Variants in MIR2052HG observed in about 807,000 individuals in gnomAD.
MIR2052HG encodes the protein MIR2052 host gene.
At chr8:74,662,337 C>T (rs1490181833) in intron 2 of MIR2052HG, among the ~76,000 whole-genome samples, 1 of 151,358 alleles carries the variant, frequency 6.6e-6, no homozygotes, top group African/African-American at 2.4e-5. Flanking sequence ...ATTTCAGCCT[C>T]TAGAAGAAGA....
chr8:74,749,421 T>C (rs561815225), intron 4 of MIR2052HG, among the ~76,000 whole-genome samples: 2 of 152,192 alleles, frequency 1.3e-5, no homozygotes, highest in East Asian at 1.9e-4. Context: ...ACAAAACTTG[T>C]AGTGCCTTTT....
Position 74,635,412 on chromosome 8 carries a change from G to C in MIR2052HG, n.216+22472G>C, listed in dbSNP as rs115410038. On this transcript the variant is annotated intron_variant and non_coding_transcript_variant, in intron 2 of 6. Transcript: ENST00000523442. ...CCCAATGGAGATGTCATTTGCACTG[G>C]TCCTTAATTACTGGATAAGTTTGGG... is the stretch of plus-strand genomic sequence containing the variant. Among the ~76,000 whole-genome samples the C allele has an allele frequency of 3.0e-3, 453 of 152,180 alleles. 2 individuals carry two copies. Among genetic ancestry groups the C allele is most frequent in the African/African-American group, 0.011 (440 of 41,534 alleles).
At chr8:74,741,174 G>T (rs1023150095) in intron 4 of MIR2052HG, among the ~76,000 whole-genome samples, 1 of 152,164 alleles carries the variant, frequency 6.6e-6, no homozygotes, top group African/African-American at 2.4e-5. Flanking sequence ...AAAGCCAAGA[G>T]CTTTGGAGGC....
chr8:74,747,211 G>A (rs146705402), intron 4 of MIR2052HG, among the ~76,000 whole-genome samples: 279 of 152,270 alleles, frequency 1.8e-3, no homozygotes, highest in East Asian at 7.5e-3. Flanking sequence ...CATTTGGGAA[G>A]TTACTTGAAC....
intron 2 of MIR2052HG, among the ~76,000 whole-genome samples, chr8:74,640,568 C>T (rs116937929): frequency 2.0e-5 from 3 of 151,882 alleles, no homozygotes; most frequent in Non-Finnish European, 4.4e-5. Context: ...GGTAGGTCAT[C>T]AGCTTTCTGG....
chr8:74,692,981 A>G (rs1397802229), intron 2 of MIR2052HG, among the ~76,000 whole-genome samples: 2 of 152,338 alleles, frequency 1.3e-5, no homozygotes, highest in Non-Finnish European at 1.5e-5. Flanking sequence ...GAAGCATGAA[A>G]ATGGCTTTGA....
At chr8:74,685,178 A>G (rs1809167005) in intron 2 of MIR2052HG, among the ~76,000 whole-genome samples, 2 of 152,130 alleles carry the variant, frequency 1.3e-5, no homozygotes, top group South Asian at 4.1e-4. Flanking sequence ...TATAAGATAC[A>G]CTAAAGAGCA....
chr8:74,664,480 C>A (rs1243028313), intron 2 of MIR2052HG, among the ~76,000 whole-genome samples: 1 of 151,914 alleles, frequency 6.6e-6, no homozygotes, highest in Non-Finnish European at 1.5e-5. Context: ...TTGTCTTTTC[C>A]ATCCTACACC....
At chr8:74,620,883 C>T (rs1021052708) in intron 2 of MIR2052HG, among the ~76,000 whole-genome samples, 2 of 152,226 alleles carry the variant, frequency 1.3e-5, no homozygotes, top group Admixed American at 1.3e-4. Flanking sequence ...TTTTTATTTT[C>T]TATTGCATGG....
Position 74,688,040 on chromosome 8 carries a change from C to T in MIR2052HG, n.217-14339C>T, listed in dbSNP as rs535721630. 1.3e-4 allele frequency among the ~76,000 whole-genome samples: 20 copies of T among 152,212 alleles called. 1 individual carries two copies. The South Asian group carries it at 4.2e-3, about 32-fold the overall frequency. ...GCTTCATTTGATAATGAGGGCTCTT[C>T]AAAAAGGCTGATCACTGCTTACAAG... On this transcript the variant is annotated intron_variant and non_coding_transcript_variant, in intron 2 of 6. Transcript: ENST00000523442.
At chr8:74,680,694 C>T (rs184189876) in intron 2 of MIR2052HG, among the ~76,000 whole-genome samples, 2,827 of 152,238 alleles carry the variant, frequency 0.019, 40 homozygotes, top group Non-Finnish European at 0.025. Flanking sequence ...ACCATTTGAT[C>T]CAGCCATCCC....
intron 2 of MIR2052HG, among the ~76,000 whole-genome samples, chr8:74,698,238 A>G (rs1586916884): frequency 6.6e-6 from 1 of 151,846 alleles, no homozygotes; most frequent in South Asian, 2.1e-4. Context: ...AACAATACAA[A>G]CAAAAACAAA....
At chr8:74,644,753 TG>T (rs1808674419) in intron 2 of MIR2052HG, among the ~76,000 whole-genome samples, 1 of 151,896 alleles carries the variant, frequency 6.6e-6, no homozygotes, top group South Asian at 2.1e-4. Flanking sequence ...TAGCCGGGCA[TG>T]GTGGTGCATG....
chr8:74,634,511 A>C (rs1228421281), intron 2 of MIR2052HG, among the ~76,000 whole-genome samples: 1 of 152,034 alleles, frequency 6.6e-6, no homozygotes, highest in Non-Finnish European at 1.5e-5. Context: ...ATACATTTTC[A>C]CCTTAAATTT....
intron 4 of MIR2052HG, among the ~76,000 whole-genome samples, chr8:74,733,314 G>C (rs565389126): frequency 4.0e-5 from 6 of 151,886 alleles, no homozygotes; most frequent in Non-Finnish European, 8.8e-5. Context: ...TCCCACCTAT[G>C]AGTGAGTATA....
At chr8:74,746,666 A>C (rs999478090) in intron 4 of MIR2052HG, among the ~76,000 whole-genome samples, 1 of 151,570 alleles carries the variant, frequency 6.6e-6, no homozygotes, top group Non-Finnish European at 1.5e-5. Context: ...GAATTTGCTA[A>C]GCAGAAAAAG....
At chr8:74,621,428 T>C (rs1426788428) in intron 2 of MIR2052HG, among the ~76,000 whole-genome samples, 1 of 152,208 alleles carries the variant, frequency 6.6e-6, no homozygotes, top group Non-Finnish European at 1.5e-5. Flanking sequence ...GACTGGGTAA[T>C]TTTTAAAGGA....
At chr8:74,624,164 T>C (rs1808404479) in intron 2 of MIR2052HG, among the ~76,000 whole-genome samples, 1 of 152,214 alleles carries the variant, frequency 6.6e-6, no homozygotes, top group South Asian at 2.1e-4. Context: ...TTTCCATTTT[T>C]TTCCGGGAAC....
chr8:74,681,492 T>C lies in MIR2052HG; in HGVS notation n.217-20887T>C, dbSNP rs561957736. ...AAGCAGGGATAGTAATACCAAGAAA[T>C]GCAACTACCATGGTTTCAATTTCTC... On this transcript the variant is annotated intron_variant and non_coding_transcript_variant, in intron 2 of 6. Coordinates refer to ENST00000523442, the Ensembl canonical transcript of MIR2052HG. Among the ~76,000 whole-genome samples the C allele has an allele frequency of 6.6e-5, 10 of 152,240 alleles. No homozygotes were observed. In the South Asian group the frequency reaches 2.1e-3, roughly 32 times the overall value.
Sources: gnomAD v4.1 joint callset for allele counts (sites outside exome capture counted in the v4.1 genomes callset) on GRCh38, gnomAD v4.1.1 for gene constraint, MANE v1.5 for transcripts, NCBI Gene and HGNC (gene_info 2026-07-23, HGNC 2026-07-21) for gene names.